Variants in POLR1E observed in about 807,000 individuals in gnomAD.
POLR1E encodes DNA-directed RNA polymerase I subunit RPA49.
In POLR1E, 37 loss-of-function variants were observed where a neutral mutation model predicts 50.9. That is an observed-to-expected ratio of 0.73 (90% confidence interval 0.56 to 0.96). The LOEUF (loss-of-function observed/expected upper bound fraction) is 0.96, where lower values mean the gene tolerates loss of function less well. Ranked by LOEUF, POLR1E falls within the 40% of genes least tolerant of loss-of-function variation. The pLI is 0.00. For synonymous variants in POLR1E, 166 were observed against 191.6 expected, an observed-to-expected ratio of 0.87 and a Z score of 1.10; for missense variants, 426 against 518.1, an observed-to-expected ratio of 0.82 and a Z score of 1.73.
At chr9:37,486,282 C>G (rs1298708505) in intron 1 of POLR1E, 159 bp downstream of exon 1, 1 of 1,270,470 alleles carries the variant, frequency 7.9e-7, no homozygotes, top group Non-Finnish European at 1.1e-6. Flanking sequence ...CTCCCCTGTC[C>G]GTCTTTCTGT....
chr9:37,488,984 A>C (rs1820627869), intron 3 of POLR1E, among the ~76,000 whole-genome samples: 1 of 152,172 alleles, frequency 6.6e-6, no homozygotes, highest in Non-Finnish European at 1.5e-5. Context: ...CACGCCTGTA[A>C]TCCCAGCACT....
At chr9:37,487,364 G>A (rs1179261814) in intron 2 of POLR1E, among the ~76,000 whole-genome samples, 1 of 152,216 alleles carries the variant, frequency 6.6e-6, no homozygotes, top group Non-Finnish European at 1.5e-5. Flanking sequence ...GGTCATGTTG[G>A]AGCTGAGCCT....
intron 8 of POLR1E, among the ~76,000 whole-genome samples, chr9:37,497,449 A>G (rs114273578): frequency 0.023 from 3,531 of 152,364 alleles, 121 homozygotes; most frequent in African/African-American, 0.08. Flanking sequence ...TACAGAGTCT[A>G]TGCTCCTGAC....
In POLR1E at chr9:37,495,160, A is replaced by G. The variant is rs763651931; in HGVS notation, c.548-9A>G. On this transcript the variant is annotated splice_polypyrimidine_tract_variant and intron_variant, in intron 6 of 11. Transcript: ENST00000377798. ...AGGGTGATACATGGATTGTTTCTTTATTGAAAAGCTCTGGTCAGCGATGCT... is the reference window on the plus strand; with the variant it reads ...AGGGTGATACATGGATTGTTTCTTTGTTGAAAAGCTCTGGTCAGCGATGCT... The G allele has an allele frequency of 6.2e-7, 1 of 1,608,620 alleles. No individual in the cohort carries two copies. Among genetic ancestry groups the G allele is most frequent in the Non-Finnish European group, 8.5e-7 (1 of 1,175,082 alleles).
rs1314236868 is a variant in POLR1E, at chr9:37,501,756, G to A, written c.1012G>A (p.Ala338Thr). 1 of 1,614,000 alleles carries A rather than the reference G, an allele frequency of 6.2e-7. No homozygotes were observed. The highest frequency in any genetic ancestry group is 8.5e-7 in the Non-Finnish European group (1 of 1,179,946). The change falls in exon 11 of 12, where the codon GCA becomes ACA. Residue 338 changes from alanine to threonine, a missense_variant. Ala to Thr is a moderately conservative substitution (Grantham distance 58). Coordinates refer to ENST00000377798, the MANE Select transcript of POLR1E (RefSeq NM_022490.4). ...GGATTCTATGAAGGCGAAGATTACTGCATATGTGATCATACTTGCCTTGCA... is the reference window on the plus strand; with the variant it reads ...GGATTCTATGAAGGCGAAGATTACTACATATGTGATCATACTTGCCTTGCA... ...ISDSMKAKIT[A>T]YVIILALHIH...
intron 6 of POLR1E, among the ~76,000 whole-genome samples, chr9:37,494,854 C>T (rs528223393): frequency 3.0e-4 from 45 of 152,208 alleles, no homozygotes; most frequent in Non-Finnish European, 6.2e-4. Context: ...TTGGACGTCC[C>T]TCACTTTTAG....
chr9:37,498,169 A>G lies in POLR1E; in HGVS notation c.831A>G (p.Ile277Met), dbSNP rs377082251. The G allele has an allele frequency of 1.2e-4, 194 of 1,613,922 alleles. No individual in the cohort carries two copies. Among genetic ancestry groups the G allele is most frequent in the Middle Eastern group, 1.6e-4 (1 of 6,084 alleles). Residue 277 changes from isoleucine to methionine, a missense_variant, in exon 9 of 12, where the codon ATA (isoleucine) becomes ATG (methionine). Coordinates refer to ENST00000377798, the MANE Select transcript of POLR1E (RefSeq NM_022490.4). ...VESRDRQARC[I>M]WFLDTLIKFR... ...GCCGAGACCGCCAGGCCCGATGCAT[A>G]TGGTTTCTGGATACCCTCATCAAAT...
At chr9:37,496,623 C>CT (rs376455174) in intron 8 of POLR1E, among the ~76,000 whole-genome samples, 14,188 of 111,222 alleles carry the variant, frequency 0.13, 1,128 homozygotes, top group African/African-American at 0.21. Flanking sequence ...ATTATTATTT[C>CT]TTTTTTTTTT....
intron 9 of POLR1E, among the ~76,000 whole-genome samples, chr9:37,499,820 A>C (rs1465648199): frequency 6.9e-6 from 1 of 145,976 alleles, no homozygotes; most frequent in Non-Finnish European, 1.5e-5. Context: ...GGCGTGAGCT[A>C]CTGCACCCAG....
At chr9:37,492,145 G>A (rs902016635) in intron 4 of POLR1E, 4 of 611,142 alleles carry the variant, frequency 6.5e-6, no homozygotes, top group Admixed American at 7.4e-5. Context: ...CAGGGGTGAT[G>A]GCTGAGATAA....
chr9:37,492,825 C>T, intron 5 of POLR1E, 110 bp downstream of exon 5: 4 of 906,822 alleles, frequency 4.4e-6, no homozygotes, highest in South Asian at 4.3e-5. Context: ...CCTGGCTGCT[C>T]CCCGCTCATT....
intron 11 of POLR1E, 29 bp from the exon 12 acceptor site, chr9:37,503,014 T>C: frequency 1.3e-6 from 2 of 1,594,342 alleles, no homozygotes; most frequent in Non-Finnish European, 1.7e-6. Flanking sequence ...GAGGGGTCTC[T>C]CCAGTTCTTC....
intron 5 of POLR1E, 59 bp from the exon 6 acceptor site, chr9:37,493,500 C>T (rs763919224): frequency 3.8e-5 from 53 of 1,393,864 alleles, no homozygotes; most frequent in Non-Finnish European, 3.4e-5. Flanking sequence ...AGTGACACAG[C>T]TAGGAGGGGC....
rs138614217 is a variant in POLR1E at position 37,498,233 on chromosome 9, A to G, written c.886+9A>G. The G allele has an allele frequency of 3.5e-4, 562 of 1,607,310 alleles. 2 individuals are homozygous for G. The highest frequency in any genetic ancestry group is 1.3e-3 in the Middle Eastern group (8 of 6,030). On this transcript the variant is annotated intron_variant, in intron 9 of 11. Coordinates refer to ENST00000377798, the MANE Select transcript of POLR1E (RefSeq NM_022490.4). ...GGTAGTTAAGCGGAAAAGTAAGTCT[A>G]TGATAAACATTTTATTCTAATTGTT...
intron 4 of POLR1E, among the ~76,000 whole-genome samples, chr9:37,491,450 T>G (rs1820683171): frequency 6.6e-6 from 1 of 150,452 alleles, no homozygotes; most frequent in East Asian, 1.9e-4. Flanking sequence ...TTTTTTAATA[T>G]GGGATTTTAT....
At chr9:37,495,422 C>T (rs1736814248) in intron 7 of POLR1E, 146 bp downstream of exon 7, 3 of 701,844 alleles carry the variant, frequency 4.3e-6, no homozygotes, top group African/African-American at 3.7e-5. Flanking sequence ...AGTGCTCTTG[C>T]CAGGAGGTTA....
At chr9:37,498,760 G>A (rs2119016568) in intron 9 of POLR1E, among the ~76,000 whole-genome samples, 1 of 152,312 alleles carries the variant, frequency 6.6e-6, no homozygotes, top group Middle Eastern at 3.4e-3. Context: ...CCTACCCAGA[G>A]TTGGAAACCC....
intron 9 of POLR1E, 61 bp downstream of exon 9, chr9:37,498,285 T>C: frequency 3.9e-6 from 6 of 1,529,432 alleles, no homozygotes; most frequent in Non-Finnish European, 5.4e-6. Flanking sequence ...TCTGTAATTC[T>C]TAGATGAGTT....
Position 37,503,306 on chromosome 9 carries a change from G to T in POLR1E, c.*104G>T. On this transcript the variant is annotated 3_prime_UTR_variant, in exon 12 of 12. Coordinates refer to ENST00000377798, the MANE Select transcript of POLR1E (RefSeq NM_022490.4). ...TTTTGAAAAGAAAAGGTCCGGGGAT[G>T]GTGGCTCACACCTGAAATCCCAGCA... 1 of 1,372,402 alleles carries T rather than the reference G, an allele frequency of 7.3e-7. No homozygotes were observed. Among genetic ancestry groups the T allele is most frequent in the South Asian group, 1.5e-5 (1 of 65,774 alleles). 85.0% of individuals were successfully genotyped at this position (1,372,402 alleles called of 1,614,324 possible).
Sources: gnomAD v4.1 joint callset for allele counts (sites outside exome capture counted in the v4.1 genomes callset) on GRCh38, gnomAD v4.1.1 for gene constraint, MANE v1.5 for transcripts, NCBI Gene and HGNC (gene_info 2026-07-23, HGNC 2026-07-21) for gene names.